DESI1: variants seen among roughly 807,000 people sequenced by gnomAD.
DESI1 encodes the protein PPPDE peptidase domain containing 2.
Under a neutral mutation model 22.4 loss-of-function variants are expected in DESI1, and 17 were observed. The ratio of observed to expected loss-of-function variants is 0.76; its 90% CI spans 0.52 to 1.14. The LOEUF (loss-of-function observed/expected upper bound fraction) is 1.14. DESI1 is among the 50% of genes most tolerant of loss of function. The pLI, the probability that DESI1 is intolerant of heterozygous loss-of-function variation, is 0.00. For missense variants in DESI1, 177 were observed against 208.9 expected, an observed-to-expected ratio of 0.85 and a Z score of 0.94; for synonymous variants, 92 against 84.2, an observed-to-expected ratio of 1.09 and a Z score of -0.51.
chr22:41,618,803 G>A (rs540760935), intron 1 of DESI1, among the ~76,000 whole-genome samples: 66 of 152,286 alleles, frequency 4.3e-4, no homozygotes, highest in African/African-American at 1.5e-3. Context: ...GGTGGCTGAC[G>A]CCTGTAATCC....
rs1219697109 is a variant in DESI1, at chr22:41,620,850, G to A, written c.-11C>T. 6.2e-7 allele frequency: 1 copy of A among 1,600,716 alleles called. No individual in the cohort carries two copies. The highest frequency in any genetic ancestry group is 2.3e-5 in the East Asian group (1 of 43,904). ...ATTCGGCGGCTCCATTGGGACCCGT[G>A]GCGACGGCGGCCACGACGGCCCTCG... is the stretch of plus-strand genomic sequence containing the variant. On this transcript the variant is annotated 5_prime_UTR_variant, in exon 1 of 6. Transcript: ENST00000263256.
At chr22:41,617,753 A>G (rs181896834) in intron 1 of DESI1, among the ~76,000 whole-genome samples, 70 of 152,380 alleles carry the variant, frequency 4.6e-4, no homozygotes, top group African/African-American at 1.3e-3. Context: ...GATGTGCCCA[A>G]TGAATGGGTG....
In DESI1 at chr22:41,602,912, C is replaced by T. The variant is rs1441570837; in HGVS notation, c.413+347G>A. 4.2e-6 allele frequency: 3 copies of T among 715,770 alleles called. No homozygotes were observed. In the African/African-American group the frequency reaches 5.5e-5, roughly 13 times the overall value. 44.3% of individuals were successfully genotyped at this position (715,770 alleles called of 1,614,324 possible). On this transcript the variant is annotated intron_variant, in intron 5 of 5. Transcript: ENST00000263256. ...TTTTTCTGACCCCCTCTCTGCTTGTCTAACATTGCATTTTAACTGGGTGCT... is the reference window on the plus strand; with the variant it reads ...TTTTTCTGACCCCCTCTCTGCTTGTTTAACATTGCATTTTAACTGGGTGCT...
intron 5 of DESI1, chr22:41,602,244 T>G: frequency 1.0e-6 from 1 of 985,384 alleles, no homozygotes; most frequent in South Asian, 4.7e-5. Flanking sequence ...CCTAGAAATA[T>G]CAAACCTAAT....
chr22:41,604,315 A>C, intron 3 of DESI1, 162 bp from the exon 4 acceptor site: 4 of 548,504 alleles, frequency 7.3e-6, no homozygotes, highest in Non-Finnish European at 9.0e-6. Flanking sequence ...GTATAATCTC[A>C]GCTCACTGCA....
chr22:41,603,512 C>T (rs1601508655), intron 4 of DESI1, 131 bp from the exon 5 acceptor site: 2 of 1,384,326 alleles, frequency 1.4e-6, no homozygotes, highest in East Asian at 4.6e-5. Flanking sequence ...TCTCATACAC[C>T]AGAAAAGCAC....
intron 3 of DESI1, among the ~76,000 whole-genome samples, chr22:41,606,350 C>T (rs2067480316): frequency 1.4e-5 from 2 of 146,670 alleles, no homozygotes; most frequent in African/African-American, 2.6e-5. Flanking sequence ...AGCAAGACCC[C>T]GTCTCAAAAA....
chr22:41,607,424 G>T, intron 2 of DESI1, 93 bp from the exon 3 acceptor site: 1 of 1,257,524 alleles, frequency 8.0e-7, no homozygotes, highest in Non-Finnish European at 1.1e-6. Flanking sequence ...TTCTGCCCAA[G>T]GATAGGACTG....
In DESI1 at chr22:41,604,109, C is replaced by T. The variant is rs2067465055; in HGVS notation, c.225G>A (p.Gly75=). ...LGPPDSVVDV[G]STEVTEEIFL... ...AGATTTCTTCTGTGACTTCTGTACT[C>T]CCCACATCAACCACAGAGTCTGGAG... Residue 75 remains glycine (G), a synonymous_variant, in exon 4 of 6, where the codon GGG becomes GGA. Coordinates refer to ENST00000263256, the MANE Select transcript of DESI1 (RefSeq NM_015704.3). The T allele has an allele frequency of 6.2e-7, 1 of 1,614,002 alleles. No homozygotes were observed. The highest frequency in any genetic ancestry group is 2.2e-5 in the East Asian group (1 of 44,878).
chr22:41,605,625 A>G (rs8142560), intron 3 of DESI1, among the ~76,000 whole-genome samples: 10,154 of 152,220 alleles, frequency 0.067, 1,092 homozygotes, highest in African/African-American at 0.23. Context: ...TCACTCATAT[A>G]ACAACTATGG....
Position 41,600,407 on chromosome 22 carries a change from G to C in DESI1, c.*690C>G, listed in dbSNP as rs563935679. The C allele has an allele frequency of 6.6e-6, 1 of 152,538 alleles. No individual in the cohort carries two copies. Among genetic ancestry groups the C allele is most frequent in the South Asian group, 2.1e-4 (1 of 4,836 alleles). 9.4% of individuals were successfully genotyped at this position (152,538 alleles called of 1,614,324 possible). Reference sequence around the variant, plus strand: ...GAAAGGCAGCCTCGGGGGCACAAAGGCAGGTTTCCCAAAATTGATGGCAGA... The same window carrying C: ...GAAAGGCAGCCTCGGGGGCACAAAGCCAGGTTTCCCAAAATTGATGGCAGA... On this transcript the variant is annotated 3_prime_UTR_variant, in exon 6 of 6. Coordinates refer to ENST00000263256, the MANE Select transcript of DESI1 (RefSeq NM_015704.3).
At position 41,600,375 on chromosome 22, in the gene DESI1, T is replaced by G. The variant is rs1395264106; in HGVS notation, c.*722A>C. 6.6e-6 allele frequency: 1 copy of G among 152,424 alleles called. No individual in the cohort carries two copies. The highest frequency in any genetic ancestry group is 2.4e-5 in the African/African-American group (1 of 41,438). The allele number at this position is 152,424 out of a possible 1,614,324, so 9.4% of individuals were successfully genotyped here. On this transcript the variant is annotated 3_prime_UTR_variant, in exon 6 of 6. Coordinates refer to ENST00000263256, the MANE Select transcript of DESI1 (RefSeq NM_015704.3). ...CTCATCCACTATGACAAGTCAGCTA[T>G]GCTGAGGAAAGGCAGCCTCGGGGGC...
intron 1 of DESI1, among the ~76,000 whole-genome samples, chr22:41,608,125 C>T (rs2067493669): frequency 6.6e-6 from 1 of 152,192 alleles, no homozygotes; most frequent in South Asian, 2.1e-4. Flanking sequence ...GCTATTCTTT[C>T]CTCTTTGGGG....
At chr22:41,601,217 G>A in intron 5 of DESI1, 27 bp from the exon 6 acceptor site, 2 of 1,586,488 alleles carry the variant, frequency 1.3e-6, no homozygotes, top group South Asian at 2.3e-5. Context: ...ACATGAGAGG[G>A]GTGGGCTCTG....
intron 1 of DESI1, among the ~76,000 whole-genome samples, chr22:41,608,771 A>C (rs888491202): frequency 4.6e-5 from 7 of 152,166 alleles, no homozygotes; most frequent in Admixed American, 2.0e-4. Context: ...CAGACCAAGC[A>C]GACCATCACA....
chr22:41,617,048 T>C (rs1449912465), intron 1 of DESI1, among the ~76,000 whole-genome samples: 1 of 152,204 alleles, frequency 6.6e-6, no homozygotes, highest in East Asian at 1.9e-4. Flanking sequence ...CACATACACA[T>C]TGAACCCAGC....
At chr22:41,615,272 TAAAAAAAAAA>T (rs58574960) in intron 1 of DESI1, among the ~76,000 whole-genome samples, 2 of 108,522 alleles carry the variant, frequency 1.8e-5, no homozygotes, top group Non-Finnish European at 3.7e-5. Context: ...TACTAAAAAT[TAAAAAAAAAA>T]AAAAAAAAAA....
chr22:41,616,273 T>G (rs1445416153), intron 1 of DESI1, among the ~76,000 whole-genome samples: 1 of 152,092 alleles, frequency 6.6e-6, no homozygotes, highest in African/African-American at 2.4e-5. Flanking sequence ...GAGGACAGAG[T>G]TCACGTCATA....
Position 41,599,050 on chromosome 22 carries a change from T to C in DESI1, c.*2047A>G, listed in dbSNP as rs1393597027. 6.6e-6 allele frequency: 1 copy of C among 152,220 alleles called. No homozygotes were observed. Among genetic ancestry groups the C allele is most frequent in the Non-Finnish European group, 1.5e-5 (1 of 68,056 alleles). The allele number at this position is 152,220 out of a possible 1,614,324, so 9.4% of individuals were successfully genotyped here. On this transcript the variant is annotated 3_prime_UTR_variant, in exon 6 of 6. Transcript: ENST00000263256. The stretch of plus-strand genomic sequence containing the variant: ...GTCGCAGGCAAACACTAAGGCAGAA[T>C]GACAGCTCCTCTAGCTGAGACTCTG...
Sources: allele counts gnomAD v4.1 joint callset (sites outside exome capture counted in the v4.1 genomes callset), GRCh38; gene constraint gnomAD v4.1.1; transcripts MANE v1.5; gene names NCBI Gene and HGNC (gene_info 2026-07-23, HGNC 2026-07-21).